Variants in IKZF2 observed in about 807,000 individuals in gnomAD.
IKZF2 encodes the protein IKAROS family zinc finger 2.
A neutral mutation model predicts 49.2 loss-of-function variants in IKZF2; 15 were observed. That is an observed-to-expected ratio of 0.30 (90% CI 0.20 to 0.47). The LOEUF (loss-of-function observed/expected upper bound fraction) is 0.47. Ranked by LOEUF, IKZF2 falls within the 20% of genes least tolerant of loss-of-function variation. The probability of loss-of-function intolerance (pLI) is 1.00; values close to 1 mark genes in which losing one functional copy is unlikely to be tolerated. For missense variants in IKZF2, 567 were observed against 664.6 expected, an observed-to-expected ratio of 0.85 and a Z score of 1.61; for synonymous variants, 227 against 221.4, an observed-to-expected ratio of 1.03 and a Z score of -0.23.
At chr2:213,062,247 T>C (rs909057997) in intron 4 of IKZF2, among the ~76,000 whole-genome samples, 50 of 151,842 alleles carry the variant, frequency 3.3e-4, no homozygotes, top group African/African-American at 1.1e-3. Flanking sequence ...TTTTTAAATA[T>C]ACATATTAAA....
Position 213,049,655 on chromosome 2 carries a change from A to T in IKZF2, c.574+58T>A, listed in dbSNP as rs559065841. On this transcript the variant is annotated intron_variant, in intron 6 of 8. Coordinates refer to ENST00000434687, the MANE Select transcript of IKZF2 (RefSeq NM_001387220.1). The stretch of plus-strand genomic sequence containing the variant: ...CAAAGCCATGTTACTATCATTCAAT[A>T]GTACTCTTCTAAGTTTTCCTGTTTT... 8.3e-5 allele frequency: 109 copies of T among 1,318,902 alleles called. No homozygotes were observed. In the African/African-American group the frequency reaches 1.5e-3, roughly 18 times the overall value. 81.7% of individuals were successfully genotyped at this position (1,318,902 alleles called of 1,614,324 possible).
intron 4 of IKZF2, among the ~76,000 whole-genome samples, chr2:213,108,607 G>C (rs1020956770): frequency 6.6e-6 from 1 of 152,052 alleles, no homozygotes; most frequent in African/African-American, 2.4e-5. Flanking sequence ...GTGCTTCCAG[G>C]TGCCAACTTC....
intron 1 of IKZF2, among the ~76,000 whole-genome samples, chr2:213,150,864 T>C (rs1372134): frequency 0.83 from 125,796 of 151,432 alleles, 53,868 homozygotes; most frequent in East Asian, 0.95. Context: ...CAAAGTGATT[T>C]AACTGCTGCC....
At chr2:213,015,179 A>T (rs1159506728) in intron 7 of IKZF2, 1 of 152,110 alleles carries the variant, frequency 6.6e-6, no homozygotes, top group Non-Finnish European at 1.5e-5. Context: ...CATAGTGTGA[A>T]AAAATGTTTT....
At chr2:213,040,797 G>T (rs1423262639) in intron 6 of IKZF2, among the ~76,000 whole-genome samples, 2 of 152,124 alleles carry the variant, frequency 1.3e-5, no homozygotes, top group Admixed American at 6.5e-5. Context: ...AATCATTTTT[G>T]TAGCAGAAGC....
chr2:213,042,982 T>G (rs1699807946), intron 6 of IKZF2, among the ~76,000 whole-genome samples: 1 of 152,126 alleles, frequency 6.6e-6, no homozygotes, highest in African/African-American at 2.4e-5. Context: ...GATAAAAAGG[T>G]TTTTTATTAA....
chr2:213,016,290 G>C (rs1696588589), intron 7 of IKZF2, among the ~76,000 whole-genome samples: 1 of 152,042 alleles, frequency 6.6e-6, no homozygotes, highest in Non-Finnish European at 1.5e-5. Flanking sequence ...AATTTCCTCA[G>C]GGTTTACATC....
At chr2:213,149,567 T>C (rs750831118) in intron 2 of IKZF2, among the ~76,000 whole-genome samples, 4 of 152,116 alleles carry the variant, frequency 2.6e-5, no homozygotes, top group Admixed American at 1.3e-4. Flanking sequence ...CCTTTGGCCT[T>C]GGTCCTTTTT....
chr2:213,017,446 A>G (rs967309045), intron 7 of IKZF2, among the ~76,000 whole-genome samples: 1 of 152,152 alleles, frequency 6.6e-6, no homozygotes, highest in Non-Finnish European at 1.5e-5. Flanking sequence ...TTTCCTAATT[A>G]CCATATCACT....
intron 4 of IKZF2, among the ~76,000 whole-genome samples, chr2:213,128,730 C>G (rs1463457560): frequency 1.3e-5 from 2 of 151,732 alleles, no homozygotes; most frequent in Non-Finnish European, 2.9e-5. Flanking sequence ...CAAGTTCAAA[C>G]TATTCTCCTG....
At chr2:213,022,210 C>T in intron 6 of IKZF2, 80 bp from the exon 7 acceptor site, 1 of 1,303,420 alleles carries the variant, frequency 7.7e-7, no homozygotes, top group Non-Finnish European at 1.0e-6. Context: ...TTTTGATAGT[C>T]TGGAGGAAGC....
chr2:213,075,881 A>G (rs890832856), intron 4 of IKZF2, among the ~76,000 whole-genome samples: 2 of 152,166 alleles, frequency 1.3e-5, no homozygotes, highest in Admixed American at 6.5e-5. Context: ...TGGGAATAAT[A>G]TTATCAAAGA....
At chr2:213,142,715 T>C (rs1206643069) in intron 4 of IKZF2, among the ~76,000 whole-genome samples, 1 of 152,006 alleles carries the variant, frequency 6.6e-6, no homozygotes, top group Non-Finnish European at 1.5e-5. Flanking sequence ...GCCCATATTT[T>C]TAACCACTCA....
At chr2:213,012,616 T>G (rs1225988460) in intron 8 of IKZF2, among the ~76,000 whole-genome samples, 1 of 152,050 alleles carries the variant, frequency 6.6e-6, no homozygotes, top group African/African-American at 2.4e-5. Flanking sequence ...ACTATGGCCC[T>G]TATAGTCACC....
chr2:213,040,415 T>A (rs2125259705), intron 6 of IKZF2, among the ~76,000 whole-genome samples: 1 of 152,236 alleles, frequency 6.6e-6, no homozygotes, highest in East Asian at 1.9e-4. Flanking sequence ...TTTCTCTTTA[T>A]AATTTATAAA....
chr2:213,092,548 C>G (rs1477349159), intron 4 of IKZF2, among the ~76,000 whole-genome samples: 1 of 152,046 alleles, frequency 6.6e-6, no homozygotes, highest in Non-Finnish European at 1.5e-5. Flanking sequence ...CAATGTTAGT[C>G]CCCCCTGTGA....
intron 6 of IKZF2, among the ~76,000 whole-genome samples, chr2:213,043,524 A>T (rs543036125): frequency 6.6e-6 from 1 of 152,354 alleles, no homozygotes; most frequent in South Asian, 2.1e-4. Flanking sequence ...ATTTAAAATC[A>T]TTATATTCCC....
chr2:213,077,059 A>G (rs907686136), intron 4 of IKZF2, among the ~76,000 whole-genome samples: 21 of 152,254 alleles, frequency 1.4e-4, no homozygotes, highest in African/African-American at 4.1e-4. Context: ...ACTGTGGAAT[A>G]TCTTTATGCA....
At chr2:213,112,029 T>TA (rs1559288785) in intron 4 of IKZF2, among the ~76,000 whole-genome samples, 1 of 152,078 alleles carries the variant, frequency 6.6e-6, no homozygotes, top group Non-Finnish European at 1.5e-5. Context: ...CTTAAAGCAA[T>TA]AAAAAATTAC....
Sources: allele counts gnomAD v4.1 joint callset (sites outside exome capture counted in the v4.1 genomes callset), GRCh38; gene constraint gnomAD v4.1.1; transcripts MANE v1.5; gene names NCBI Gene and HGNC (gene_info 2026-07-23, HGNC 2026-07-21).